The following SIDT2 variants were observed in gnomAD, a reference collection of about 807,000 sequenced individuals.
SIDT2 encodes the protein SID1 transmembrane family member 2.
Under a neutral mutation model 114.4 loss-of-function variants are expected in SIDT2, and 68 were observed. The observed-to-expected ratio is 0.59, with a 90% CI of 0.49 to 0.73. The LOEUF (loss-of-function observed/expected upper bound fraction) is 0.73, where lower values mean the gene tolerates loss of function less well. SIDT2 is among the 30% of genes least tolerant of loss of function. The pLI, the probability that SIDT2 is intolerant of heterozygous loss-of-function variation, is 0.00. For missense variants in SIDT2, 918 were observed against 1,097.1 expected (o/e 0.84, Z 2.31); for synonymous variants, 470 against 438.4 (o/e 1.07, Z -0.90).
At position 117,190,577 on chromosome 11, in the gene SIDT2, C is replaced by T; in HGVS notation, c.1618-46C>T. The stretch of plus-strand genomic sequence containing the variant: ...CCTCTTTTGGGTCCCTTCTTCCCTT[C>T]CTGCCTCACTTCCTCCCTCCCTTCC... On this transcript the variant is annotated intron_variant, in intron 17 of 25. Coordinates refer to ENST00000324225, the MANE Select transcript of SIDT2 (RefSeq NM_001040455.2). This position sits in a 1 kb window ranked among gnomAD's most constrained non-coding sequence, Gnocchi z 4.1. The T allele has an allele frequency of 2.7e-6, 4 of 1,482,178 alleles. No individual in the cohort carries two copies. The highest frequency in any genetic ancestry group is 3.7e-6 in the Non-Finnish European group (4 of 1,083,888). 91.8% of individuals were successfully genotyped at this position (1,482,178 alleles called of 1,614,324 possible).
In SIDT2 at chr11:117,181,918, A is replaced by C; in HGVS notation, c.417A>C (p.Pro139=). ...ACGTGGATGTGTCCACCCTGTCACC[A>C]GTCAACACCACATACCAGCTCCGGG... ...FFYVDVSTLS[P]VNTTYQLRVS... Residue 139 remains proline, a synonymous_variant, in exon 3 of 26, where the codon CCA becomes CCC. Transcript: ENST00000324225. The C allele has an allele frequency of 6.2e-7, 1 of 1,614,148 alleles. No homozygotes were observed. The highest frequency in any genetic ancestry group is 8.5e-7 in the Non-Finnish European group (1 of 1,180,032).
chr11:117,188,446 T>C lies in SIDT2; in HGVS notation c.1160-262T>C, dbSNP rs2030579107. 3.9e-6 allele frequency: 2 copies of C among 514,150 alleles called. No individual in the cohort carries two copies. Among genetic ancestry groups the C allele is most frequent in the Non-Finnish European group, 7.0e-6 (2 of 284,342 alleles). The allele number at this position is 514,150 out of a possible 1,614,324, so 31.8% of individuals were successfully genotyped here. On this transcript the variant is annotated intron_variant, in intron 12 of 25. Coordinates refer to ENST00000324225, the MANE Select transcript of SIDT2 (RefSeq NM_001040455.2). The surrounding 1 kb of genome is among the most constrained non-coding windows in gnomAD (Gnocchi z 4.0). ...TCCTGGCCTGGGAAGCCCTAGCCCA[T>C]GAGGGGTGCCAGGAACAGAGCAAAG... is the stretch of plus-strand genomic sequence containing the variant.
In SIDT2 at chr11:117,189,321, C is replaced by A; in HGVS notation, c.1353-14C>A. The A allele has an allele frequency of 6.2e-7, 1 of 1,614,196 alleles. No individual in the cohort carries two copies. The highest frequency in any genetic ancestry group is 1.1e-5 in the South Asian group (1 of 91,080). On this transcript the variant is annotated splice_polypyrimidine_tract_variant and intron_variant, in intron 14 of 25. Coordinates refer to ENST00000324225, the MANE Select transcript of SIDT2 (RefSeq NM_001040455.2). ...GGGTGCCACCCACCTCACTGCCGCC[C>A]TCCTGCTCCGCAGGAACATTGCCAC...
Position 117,191,689 on chromosome 11 carries a change from G to C in SIDT2, c.1736-189G>C, listed in dbSNP as rs536252528. 1.2e-4 allele frequency: 85 copies of C among 712,392 alleles called. No homozygotes were observed. In the South Asian group the frequency reaches 1.4e-3, roughly 12 times the overall value. 44.1% of individuals were successfully genotyped at this position (712,392 alleles called of 1,614,324 possible). Reference sequence around the variant, plus strand: ...TGTCAGACTCTGGGTGACAGCCAGTGGGGTGGCAGTGTGGTGTGGCAGGTA... The same window carrying C: ...TGTCAGACTCTGGGTGACAGCCAGTCGGGTGGCAGTGTGGTGTGGCAGGTA... On this transcript the variant is annotated intron_variant, in intron 18 of 25. Coordinates refer to ENST00000324225, the MANE Select transcript of SIDT2 (RefSeq NM_001040455.2).
chr11:117,187,332 C>T (rs778386520), intron 10 of SIDT2, 46 bp from the exon 11 acceptor site: 1 of 1,557,106 alleles, frequency 6.4e-7, no homozygotes, highest in South Asian at 1.1e-5. Context: ...TGGCTCTAGG[C>T]CTCTCTCTTC....
At position 117,184,070 on chromosome 11, in the gene SIDT2, C is replaced by G. The variant is rs1374678743; in HGVS notation, c.803-4C>G. On this transcript the variant is annotated splice_region_variant and splice_polypyrimidine_tract_variant and intron_variant, in intron 7 of 25. Coordinates refer to ENST00000324225, the MANE Select transcript of SIDT2 (RefSeq NM_001040455.2). ...AGTTTACCACTTTGACATTTTACTT[C>G]CAGATGAACCGGTCGATCAAGGGCA... The G allele has an allele frequency of 5.6e-6, 9 of 1,614,146 alleles. No individual in the cohort carries two copies. The highest frequency in any genetic ancestry group is 1.7e-5 in the Admixed American group (1 of 60,010).
At chr11:117,187,777 C>G (rs1265831569) in intron 12 of SIDT2, 78 bp downstream of exon 12, 2 of 1,410,914 alleles carry the variant, frequency 1.4e-6, no homozygotes, top group Non-Finnish European at 2.0e-6. Context: ...GGGCGGTTGC[C>G]TCTTCTGCCA....
chr11:117,185,952 G>C, intron 8 of SIDT2, 178 bp from the exon 9 acceptor site: 2 of 547,580 alleles, frequency 3.7e-6, no homozygotes. Flanking sequence ...GAGTGTGTCA[G>C]AGTTTGGTGT....
chr11:117,179,607 T>C (rs1041712845), intron 1 of SIDT2, 161 bp downstream of exon 1: 2 of 655,932 alleles, frequency 3.0e-6, no homozygotes, highest in Non-Finnish European at 5.0e-6. Flanking sequence ...CAGTCCTCCT[T>C]CCTTTGCCAC....
chr11:117,189,056 GC>G, intron 13 of SIDT2, 112 bp from the exon 14 acceptor site: 3 of 1,164,710 alleles, frequency 2.6e-6, no homozygotes, highest in Non-Finnish European at 2.6e-6. Flanking sequence ...CTTGAACCCT[GC>G]CCCCCTGAAT....
chr11:117,187,373 T>C lies in SIDT2; in HGVS notation c.1016-5T>C. 1 of 1,613,920 alleles carries C rather than the reference T, an allele frequency of 6.2e-7. No homozygotes were observed. The highest frequency in any genetic ancestry group is 8.5e-7 in the Non-Finnish European group (1 of 1,179,840). The stretch of plus-strand genomic sequence containing the variant: ...GTGCTAACAGACCTTGACTTCTCAT[T>C]GCAGGTCACCCTCGAGTCCTGGCTG... On this transcript the variant is annotated splice_region_variant and splice_polypyrimidine_tract_variant and intron_variant, in intron 10 of 25. Coordinates refer to ENST00000324225, the MANE Select transcript of SIDT2 (RefSeq NM_001040455.2).
At chr11:117,185,586 A>G (rs1474833323) in intron 8 of SIDT2, among the ~76,000 whole-genome samples, 2 of 151,878 alleles carry the variant, frequency 1.3e-5, no homozygotes, top group Non-Finnish European at 2.9e-5. Context: ...TCAAGGTGGA[A>G]TTTTTGAGAG....
intron 1 of SIDT2, among the ~76,000 whole-genome samples, chr11:117,180,964 C>T (rs142221910): frequency 1.4e-4 from 22 of 152,286 alleles, no homozygotes; most frequent in African/African-American, 5.1e-4. Flanking sequence ...GGCTCTGGCC[C>T]CAGGTTAGCT....
intron 11 of SIDT2, 21 bp from the exon 12 acceptor site, chr11:117,187,607 A>G: frequency 6.2e-7 from 1 of 1,613,830 alleles, no homozygotes; most frequent in Non-Finnish European, 8.5e-7. Context: ...TTCCTGCCTC[A>G]CCACTGATCG....
In SIDT2 at chr11:117,193,251, T is replaced by A. The variant is rs1565289276; in HGVS notation, c.2204T>A (p.Ile735Asn). ...NLLLYFAFYI[I>N]MKLRSGERIK... Reference sequence around the variant, plus strand: ...CTCCTTTACTTCGCCTTCTACATCATCATGAAGGTGAGTGGGGCTGGCCAA... The same window carrying A: ...CTCCTTTACTTCGCCTTCTACATCAACATGAAGGTGAGTGGGGCTGGCCAA... The change falls in exon 23 of 26, where the codon ATC becomes AAC. Residue 735 changes from isoleucine (I) to asparagine (N), a missense_variant. Ile to Asn is a moderately radical substitution (Grantham distance 149). This residue lies in a region of SIDT2 where 275 missense variants were observed against 397.6 expected (regional missense o/e 0.69). Coordinates refer to ENST00000324225, the MANE Select transcript of SIDT2 (RefSeq NM_001040455.2). 6.2e-7 allele frequency: 1 copy of A among 1,613,452 alleles called. No individual in the cohort carries two copies. Among genetic ancestry groups the A allele is most frequent in the Non-Finnish European group, 8.5e-7 (1 of 1,179,556 alleles).
chr11:117,182,623 G>GAGTT lies in SIDT2; in HGVS notation c.618+4_618+7dup, dbSNP rs1016129528. 4 of 1,614,250 alleles carry GAGTT rather than the reference G, an allele frequency of 2.5e-6. No individual in the cohort carries two copies. The Admixed American group carries it at 6.7e-5, about 27-fold the overall frequency. On this transcript the variant is annotated splice_donor_region_variant and intron_variant, in intron 5 of 25. Coordinates refer to ENST00000324225, the MANE Select transcript of SIDT2 (RefSeq NM_001040455.2). ...TCATCTCCATTCAGGATGTGCTGGTGAGTTGCCTGCCCTTTTGCTCTTCCC... is the reference window on the plus strand; with the variant it reads ...TCATCTCCATTCAGGATGTGCTGGTGAGTTAGTTGCCTGCCCTTTTGCTCTTCCC...
rs892842057 is a variant in SIDT2, at chr11:117,192,427, C to T, written c.1981+65C>T. The T allele has an allele frequency of 2.5e-5, 34 of 1,387,544 alleles. No homozygotes were observed. The highest frequency in any genetic ancestry group is 3.1e-5 in the Non-Finnish European group (30 of 982,700). 86.0% of individuals were successfully genotyped at this position (1,387,544 alleles called of 1,614,324 possible). A position where few individuals can be genotyped will look rare whatever the true frequency, so the allele number is the denominator to read the frequency against. On this transcript the variant is annotated intron_variant, in intron 20 of 25. Transcript: ENST00000324225. This position sits in a 1 kb window ranked among gnomAD's most constrained non-coding sequence, Gnocchi z 5.9. ...GGGGGGCCTTGGGAACCCGGACGCACGGGAGACGCTCAGGTTCTGTCTTGG... is the reference window on the plus strand; with the variant it reads ...GGGGGGCCTTGGGAACCCGGACGCATGGGAGACGCTCAGGTTCTGTCTTGG...
In SIDT2 at chr11:117,193,889, C is replaced by T. The variant is rs1471933232; in HGVS notation, c.2248C>T (p.Leu750Phe). Reference protein sequence around the residue: ...SGERIKLIPLLCIVCTSVVWG... With the variant: ...SGERIKLIPLFCIVCTSVVWG... ...GGAGAGGATCAAGCTCATCCCCCTGCTCTGCATCGTTTGCACCTCCGTGGT... is the reference window on the plus strand; with the variant it reads ...GGAGAGGATCAAGCTCATCCCCCTGTTCTGCATCGTTTGCACCTCCGTGGT... Residue 750 changes from leucine to phenylalanine, a missense_variant, in exon 24 of 26, where the codon CTC (leucine) becomes TTC (phenylalanine). Transcript: ENST00000324225. 3 of 1,614,144 alleles carry T rather than the reference C, an allele frequency of 1.9e-6. No homozygotes were observed. In the Admixed American group the frequency reaches 5.0e-5, roughly 27 times the overall value.
rs556934429 is a variant in SIDT2 at position 117,192,745 on chromosome 11, G to C, written c.2059-75G>C. 4 of 1,611,440 alleles carry C rather than the reference G, an allele frequency of 2.5e-6. No individual in the cohort carries two copies. The highest frequency in any genetic ancestry group is 1.3e-5 in the African/African-American group (1 of 74,784). Reference sequence around the variant, plus strand: ...GGCTGAGGACCCAGGGGAGAGTGGGGACCAGCTGGCTGGGCCTTCTTCCAC... The same window carrying C: ...GGCTGAGGACCCAGGGGAGAGTGGGCACCAGCTGGCTGGGCCTTCTTCCAC... On this transcript the variant is annotated intron_variant, in intron 21 of 25. Transcript: ENST00000324225. This position sits in a 1 kb window ranked among gnomAD's most constrained non-coding sequence, Gnocchi z 5.9.
Sources: allele counts gnomAD v4.1 joint callset (sites outside exome capture counted in the v4.1 genomes callset), GRCh38; gene constraint gnomAD v4.1.1; regional missense constraint gnomAD v4.1.1; non-coding constraint Gnocchi (gnomAD v3.1); transcripts MANE v1.5; gene names NCBI Gene and HGNC (gene_info 2026-07-23, HGNC 2026-07-21).